The following AMZ1 variants were observed in gnomAD, a reference collection of about 807,000 sequenced individuals.
AMZ1 encodes the protein archaemetzincin-1.
A neutral mutation model predicts 29.9 loss-of-function variants in AMZ1; 39 were observed. That is an observed-to-expected ratio of 1.30 (90% CI 1.01 to 1.70). The LOEUF (loss-of-function observed/expected upper bound fraction) is 1.70. Among genes scored for constraint, AMZ1 ranks in the 40% most tolerant of loss-of-function variants. The pLI, the probability that AMZ1 is intolerant of heterozygous loss-of-function variation, is 0.00. For missense variants in AMZ1, 1,041 were observed against 680.6 expected, an observed-to-expected ratio of 1.53 and a Z score of -5.89; for synonymous variants, 458 against 304.0, an observed-to-expected ratio of 1.51 and a Z score of -5.27.
chr7:2,740,902 G>A (rs375230513), intron 4 of AMZ1, among the ~76,000 whole-genome samples: 12 of 152,178 alleles, frequency 7.9e-5, no homozygotes, highest in East Asian at 3.9e-4. Context: ...AAAATTAGTC[G>A]GGCGTGGTGG....
intron 3 of AMZ1, among the ~76,000 whole-genome samples, chr7:2,707,360 A>ACACTTCTCCGGTGTG (rs1340898024): frequency 1.3e-5 from 2 of 151,638 alleles, no homozygotes; most frequent in African/African-American, 4.8e-5. Context: ...TCCTTGGAAA[A>ACACTTCTCCGGTGTG]CACTTCTCCG....
intron 1 of AMZ1, among the ~76,000 whole-genome samples, chr7:2,691,570 G>C (rs1285061077): frequency 6.8e-6 from 1 of 147,712 alleles, no homozygotes; most frequent in Admixed American, 6.6e-5. Context: ...GTGAAACCTC[G>C]TTTCTACTAA....
chr7:2,753,382 C>G (rs1278742203), intron 4 of AMZ1, among the ~76,000 whole-genome samples: 1 of 151,972 alleles, frequency 6.6e-6, no homozygotes, highest in Non-Finnish European at 1.5e-5. Context: ...AACTACTGGG[C>G]TCAAGCCATC....
chr7:2,753,752 T>C (rs1442758210), intron 4 of AMZ1, among the ~76,000 whole-genome samples: 1 of 152,174 alleles, frequency 6.6e-6, no homozygotes, highest in Non-Finnish European at 1.5e-5. Context: ...TTTTTTTCCT[T>C]TTAATTACAT....
chr7:2,687,467 T>C (rs984708968), upstream of AMZ1, among the ~76,000 whole-genome samples: 5 of 152,206 alleles, frequency 3.3e-5, no homozygotes, highest in African/African-American at 1.2e-4. Flanking sequence ...GGGAAGCTGG[T>C]GCTGGGAGGG....
chr7:2,708,540 G>A (rs1239888743), intron 3 of AMZ1, 48 bp from the exon 4 acceptor site: 2 of 1,605,924 alleles, frequency 1.2e-6, no homozygotes, highest in South Asian at 1.1e-5. Flanking sequence ...TGGAAGATGG[G>A]GGTCCCCGGC....
chr7:2,731,472 G>A lies in AMZ1; in HGVS notation n.550+21656G>A, dbSNP rs540650945. The A allele has an allele frequency of 1.2e-6, 2 of 1,613,872 alleles. No homozygotes were observed. The highest frequency in any genetic ancestry group is 2.2e-5 in the East Asian group (1 of 44,892). On this transcript the variant is annotated intron_variant and non_coding_transcript_variant, in intron 4 of 4. Transcript: ENST00000489665. The surrounding 1 kb of genome is among the most constrained non-coding windows in gnomAD (Gnocchi z 6.0). Reference sequence around the variant, plus strand: ...AGAGAATGATGGAGACGTTGAAGAAGAGCTTGTTGTTGACGATGGTCTCGA... The same window carrying A: ...AGAGAATGATGGAGACGTTGAAGAAAAGCTTGTTGTTGACGATGGTCTCGA...
rs189523368 is a variant in AMZ1, at chr7:2,745,111, G to T, written n.551-19601G>T. Among the ~76,000 whole-genome samples the T allele has an allele frequency of 5.0e-3, 761 of 152,336 alleles. 6 individuals are homozygous for T. Among genetic ancestry groups the T allele is most frequent in the African/African-American group, 0.017 (700 of 41,572 alleles). Reference sequence around the variant, plus strand: ...AAACACTCTGCAGGATATTATCCAGGAAAACTTCCCCAATCTAGCAAGGCA... The same window carrying T: ...AAACACTCTGCAGGATATTATCCAGTAAAACTTCCCCAATCTAGCAAGGCA... On this transcript the variant is annotated intron_variant and non_coding_transcript_variant, in intron 4 of 4. Coordinates refer to the AMZ1 transcript ENST00000489665.
At chr7:2,700,777 CG>C (rs1788009679) in intron 2 of AMZ1, 22 bp downstream of exon 2, 1 of 1,605,688 alleles carries the variant, frequency 6.2e-7, no homozygotes, top group Non-Finnish European at 8.5e-7. Context: ...CTGCAGCCAT[CG>C]GCACGCTCCT....
At position 2,700,622 on chromosome 7, in the gene AMZ1, C is replaced by A. The variant is rs538800719; in HGVS notation, c.171C>A (p.Thr57=). Residue 57 remains threonine, a synonymous_variant, in exon 2 of 7, where the codon ACC becomes ACA. Transcript: ENST00000683327. ...AYNPQRTLFC[T]LLIRTGFDWL... ...ACCCGCAGAGGACGCTCTTCTGCACCCTGCTCATCCGCACGGGCTTCGACT... is the reference window on the plus strand; with the variant it reads ...ACCCGCAGAGGACGCTCTTCTGCACACTGCTCATCCGCACGGGCTTCGACT... 2.8e-5 allele frequency: 45 copies of A among 1,611,010 alleles called. No homozygotes were observed. Among genetic ancestry groups the A allele is most frequent in the Non-Finnish European group, 3.7e-5 (44 of 1,180,012 alleles).
At chr7:2,738,816 T>G (rs1790345646) in intron 4 of AMZ1, among the ~76,000 whole-genome samples, 1 of 152,164 alleles carries the variant, frequency 6.6e-6, no homozygotes, top group Admixed American at 6.5e-5. Context: ...AATTCTGGCC[T>G]CCTCCTGTTT....
chr7:2,746,989 T>A (rs940465481), intron 4 of AMZ1, among the ~76,000 whole-genome samples: 9 of 149,048 alleles, frequency 6.0e-5, no homozygotes, highest in Non-Finnish European at 1.3e-4. Context: ...AATCTCTGAA[T>A]AGACCAATAA....
intron 1 of AMZ1, among the ~76,000 whole-genome samples, chr7:2,688,654 C>A (rs3996378): frequency 1.8e-4 from 27 of 151,976 alleles, no homozygotes; most frequent in Non-Finnish European, 3.4e-4. Flanking sequence ...CAGGGCCAAG[C>A]GCCCGAAAGA....
upstream of AMZ1, chr7:2,763,059 A>T: frequency 8.0e-7 from 1 of 1,246,624 alleles, no homozygotes; most frequent in South Asian, 3.7e-5. Context: ...TCCAGGACGC[A>T]GACCGGGGCT....
chr7:2,731,892 T>C lies in AMZ1; in HGVS notation n.550+22076T>C. On this transcript the variant is annotated intron_variant and non_coding_transcript_variant, in intron 4 of 4. Coordinates refer to the AMZ1 transcript ENST00000489665. This position sits in a 1 kb window ranked among gnomAD's most constrained non-coding sequence, Gnocchi z 6.0. ...AACCAGAAACCAAAAGCAAATTTCA[T>C]TTATAACATTATCAACTGGCCGTGA... The C allele has an allele frequency of 3.8e-6, 2 of 524,146 alleles. No homozygotes were observed. The highest frequency in any genetic ancestry group is 3.4e-6 in the Non-Finnish European group (1 of 298,420). 32.5% of individuals were successfully genotyped at this position (524,146 alleles called of 1,614,324 possible).
intron 4 of AMZ1, among the ~76,000 whole-genome samples, chr7:2,734,304 G>A (rs920754898): frequency 2.0e-5 from 3 of 152,182 alleles, no homozygotes; most frequent in Non-Finnish European, 4.4e-5. Context: ...CCCTTCAAAG[G>A]TAGCGTATTA....
chr7:2,700,587 G>T lies in AMZ1; in HGVS notation c.136G>T (p.Glu46Ter), dbSNP rs201233762. 13 of 1,610,236 alleles carry T rather than the reference G, an allele frequency of 8.1e-6. No individual in the cohort carries two copies. Among genetic ancestry groups the T allele is most frequent in the Non-Finnish European group, 1.0e-5 (12 of 1,179,982 alleles). The change falls in exon 2 of 7, where the codon GAG (glutamate) becomes TAG (stop). Residue 46 changes from glutamate to a stop codon, truncating the protein, a stop_gained. Coordinates refer to ENST00000683327, the MANE Select transcript of AMZ1 (RefSeq NM_001384743.1). LOFTEE classifies it high-confidence loss of function. ...FSPAERLFLA[E>*]AYNPQRTLFC... ...CCCTGCCGAGCGGCTCTTCCTGGCC[G>T]AGGCCTACAACCCGCAGAGGACGCT...
At chr7:2,703,515 G>GAAC (rs1554248214) in intron 3 of AMZ1, among the ~76,000 whole-genome samples, 16,589 of 151,858 alleles carry the variant, frequency 0.11, 2,733 homozygotes, top group African/African-American at 0.36. Context: ...CACGTGCCTA[G>GAAC]ATCTCAACCC....
At position 2,719,305 on chromosome 7, in the gene AMZ1, G is replaced by A. The variant is rs568510168; in HGVS notation, c.*6427G>A. ...AGTTGTTTCACGTGGGGCTCTTGATGGCATAACCTGATGTCTGTCACGGAC... is the reference window on the plus strand; with the variant it reads ...AGTTGTTTCACGTGGGGCTCTTGATAGCATAACCTGATGTCTGTCACGGAC... On this transcript the variant is annotated 3_prime_UTR_variant, in exon 7 of 7. Coordinates refer to ENST00000683327, the MANE Select transcript of AMZ1 (RefSeq NM_001384743.1). Among the ~76,000 whole-genome samples, 2 of 152,324 alleles carry A rather than the reference G, an allele frequency of 1.3e-5. No individual in the cohort carries two copies. The highest frequency in any genetic ancestry group is 2.1e-4 in the South Asian group (1 of 4,828).
Sources: allele counts gnomAD v4.1 joint callset (sites outside exome capture counted in the v4.1 genomes callset), GRCh38; gene constraint gnomAD v4.1.1; non-coding constraint Gnocchi (gnomAD v3.1); transcripts MANE v1.5; gene names NCBI Gene and HGNC (gene_info 2026-07-23, HGNC 2026-07-21).